The following UNC119 variants were observed in gnomAD, a reference collection of about 807,000 sequenced individuals.
UNC119 encodes protein unc-119 homolog A.
A neutral mutation model predicts 22.6 loss-of-function variants in UNC119; 15 were observed. The observed-to-expected ratio is 0.66, with a 90% CI of 0.44 to 1.02. UNC119 has a LOEUF of 1.02. Ranked by LOEUF, UNC119 falls within the 50% of genes least tolerant of loss-of-function variation. The pLI, the probability that UNC119 is intolerant of heterozygous loss-of-function variation, is 0.00. For missense variants in UNC119, 322 were observed against 336.0 expected (o/e 0.96, Z 0.33); for synonymous variants, 138 against 139.4 (o/e 0.99, Z 0.07).
At chr17:28,547,636 C>G (rs771181994) in intron 4 of UNC119, 41 bp downstream of exon 4, 2 of 1,613,942 alleles carry the variant, frequency 1.2e-6, no homozygotes, top group Non-Finnish European at 1.7e-6. Context: ...AGTCTCTAGA[C>G]GCCCCCACTT....
Position 28,546,829 on chromosome 17 carries a change from A to C in UNC119, c.*468T>G. Reference sequence around the variant, plus strand: ...GTGTCTTGGCCCCTCATGGGGAGGGATGGGGCTAGGCCTAGGGCCCAGACT... The same window carrying C: ...GTGTCTTGGCCCCTCATGGGGAGGGCTGGGGCTAGGCCTAGGGCCCAGACT... On this transcript the variant is annotated 3_prime_UTR_variant, in exon 5 of 5. Coordinates refer to ENST00000335765, the MANE Select transcript of UNC119 (RefSeq NM_005148.4). 3.9e-6 allele frequency: 1 copy of C among 257,094 alleles called. No homozygotes were observed. Among genetic ancestry groups the C allele is most frequent in the East Asian group, 9.1e-5 (1 of 10,978 alleles). 15.9% of individuals were successfully genotyped at this position (257,094 alleles called of 1,614,324 possible).
Position 28,552,498 on chromosome 17 carries a change from G to C in UNC119, c.60C>G (p.Pro20=), listed in dbSNP as rs767232431. The change falls in exon 1 of 5, where the codon CCC becomes CCG. Residue 20 remains proline (P), a synonymous_variant. Transcript: ENST00000335765. ...AGTATESAPG[P]SGQSVAPIPQ... ...GTATGGGGGCCACGCTCTGGCCCGA[G>C]GGCCCCGGAGCGGACTCCGTCGCCG... The C allele has an allele frequency of 1.9e-6, 3 of 1,568,326 alleles. No individual in the cohort carries two copies. The Admixed American group carries it at 5.2e-5, about 27-fold the overall frequency.
At chr17:28,548,498 T>G in intron 2 of UNC119, 94 bp downstream of exon 2, 2 of 1,069,872 alleles carry the variant, frequency 1.9e-6, no homozygotes, top group Admixed American at 1.8e-5. Flanking sequence ...AAGCCCCAGC[T>G]CTGTGGACTC....
chr17:28,547,290 C>T lies in UNC119; in HGVS notation c.*7G>A, dbSNP rs370209476. On this transcript the variant is annotated 3_prime_UTR_variant, in exon 5 of 5. Coordinates refer to ENST00000335765, the MANE Select transcript of UNC119 (RefSeq NM_005148.4). Reference sequence around the variant, plus strand: ...TGGAGCCTCCTGGGGTCAGGGCAGCCGTGGGGTCAGGGTGTCCCGCTGTAG... The same window carrying T: ...TGGAGCCTCCTGGGGTCAGGGCAGCTGTGGGGTCAGGGTGTCCCGCTGTAG... The T allele has an allele frequency of 1.4e-5, 23 of 1,613,852 alleles. No homozygotes were observed. The highest frequency in any genetic ancestry group is 6.7e-5 in the African/African-American group (5 of 74,898).
At position 28,548,719 on chromosome 17, in the gene UNC119, G is replaced by A. The variant is rs770928888; in HGVS notation, c.221-14C>T. 2.5e-6 allele frequency: 4 copies of A among 1,609,030 alleles called. No individual in the cohort carries two copies. The highest frequency in any genetic ancestry group is 3.4e-6 in the Non-Finnish European group (4 of 1,175,874). On this transcript the variant is annotated splice_polypyrimidine_tract_variant and intron_variant, in intron 1 of 4. Transcript: ENST00000335765. ...AGCAGAGGTAGTCTAGGGGAAACAGGCAGCTGAGCAAGGAAGGGGCCGCAA... is the reference window on the plus strand; with the variant it reads ...AGCAGAGGTAGTCTAGGGGAAACAGACAGCTGAGCAAGGAAGGGGCCGCAA...
At chr17:28,548,981 T>C (rs984256097) in intron 1 of UNC119, 1 of 373,690 alleles carries the variant, frequency 2.7e-6, no homozygotes, top group Non-Finnish European at 5.1e-6. Flanking sequence ...CAAGGCCACC[T>C]CCTGAACACT....
At position 28,547,013 on chromosome 17, in the gene UNC119, A is replaced by C; in HGVS notation, c.*284T>G. The C allele has an allele frequency of 5.4e-5, 22 of 406,790 alleles. No homozygotes were observed. Among genetic ancestry groups the C allele is most frequent in the East Asian group, 1.1e-4 (2 of 18,110 alleles). 25.2% of individuals were successfully genotyped at this position (406,790 alleles called of 1,614,324 possible). A position where few individuals can be genotyped will look rare whatever the true frequency, so the allele number is the denominator to read the frequency against. On this transcript the variant is annotated 3_prime_UTR_variant, in exon 5 of 5. Coordinates refer to ENST00000335765, the MANE Select transcript of UNC119 (RefSeq NM_005148.4). Reference sequence around the variant, plus strand: ...ACTATTCTGAAACTTGGGCCCAAGTAGGGCCCAGCTAAGTTGTCCGGAAGT... The same window carrying C: ...ACTATTCTGAAACTTGGGCCCAAGTCGGGCCCAGCTAAGTTGTCCGGAAGT...
intron 4 of UNC119, 55 bp downstream of exon 4, chr17:28,547,622 G>A (rs1477729589): frequency 6.2e-7 from 1 of 1,613,910 alleles, no homozygotes. Context: ...CCCTCCCGCA[G>A]CTCAGTCTCT....
At chr17:28,552,627 G>A, upstream of UNC119, 1 of 1,381,598 alleles carries the variant, frequency 7.2e-7, no homozygotes, top group Non-Finnish European at 9.5e-7. Context: ...GGGGGAAGTG[G>A]GAGCATCCGC....
chr17:28,549,500 A>G (rs908408700), intron 1 of UNC119: 9 of 152,346 alleles, frequency 5.9e-5, no homozygotes, highest in African/African-American at 2.2e-4. Flanking sequence ...GGAGGAGGCC[A>G]ACTTTGCTCT....
chr17:28,552,598 G>T lies in UNC119; in HGVS notation c.-41C>A. 2 of 1,471,898 alleles carry T rather than the reference G, an allele frequency of 1.4e-6. No homozygotes were observed. Among genetic ancestry groups the T allele is most frequent in the Non-Finnish European group, 1.8e-6 (2 of 1,116,668 alleles). 91.2% of individuals were successfully genotyped at this position (1,471,898 alleles called of 1,614,324 possible). ...AGGCTCGCCTGCTGCTGCCGCCGCT[G>T]CCTGCGCCGGCTGGAGCCGGGGGAA... On this transcript the variant is annotated 5_prime_UTR_variant, in exon 1 of 5. Transcript: ENST00000335765.
At chr17:28,550,338 C>T (rs765419134) in intron 1 of UNC119, 1 of 152,298 alleles carries the variant, frequency 6.6e-6, no homozygotes, top group African/African-American at 2.4e-5. Context: ...CTCCCATTCT[C>T]CAACTTTTGG....
intron 1 of UNC119, chr17:28,551,547 A>T (rs1210529016): frequency 6.6e-6 from 1 of 152,604 alleles, no homozygotes; most frequent in African/African-American, 2.4e-5. Flanking sequence ...CAATAATCTT[A>T]CGAGAAAGGT....
chr17:28,550,706 C>T (rs1203238863), intron 1 of UNC119: 1 of 152,204 alleles, frequency 6.6e-6, no homozygotes, highest in Non-Finnish European at 1.5e-5. Context: ...ATCCCTGGAA[C>T]TCTGTTCTCA....
intron 2 of UNC119, 190 bp from the exon 3 acceptor site, chr17:28,548,291 C>T: frequency 1.6e-6 from 1 of 638,642 alleles, no homozygotes; most frequent in Non-Finnish European, 2.7e-6. Context: ...TTCCCAATCG[C>T]CACTGTGCTT....
Position 28,547,703 on chromosome 17 carries a change from T to A in UNC119, c.584A>T (p.Asp195Val). ...CAGCTCCTCGGAGAGAGGGGGGAAG[T>A]CGTAAATGTGCTCGCAGGTGTTCTT... Reference protein sequence around the residue: ...SSKNTCEHIYDFPPLSEELIS... With the variant: ...SSKNTCEHIYVFPPLSEELIS... Residue 195 changes from aspartate (D) to valine (V), a missense_variant, in exon 4 of 5, where the codon GAC becomes GTC. By Grantham distance (152) the Asp-to-Val change is radical. Coordinates refer to ENST00000335765, the MANE Select transcript of UNC119 (RefSeq NM_005148.4). The A allele has an allele frequency of 2.5e-6, 4 of 1,613,886 alleles. No individual in the cohort carries two copies. Among genetic ancestry groups the A allele is most frequent in the Non-Finnish European group, 2.5e-6 (3 of 1,179,978 alleles).
In UNC119 at chr17:28,552,605, C is replaced by G. The variant is rs2070290035; in HGVS notation, c.-48G>C. 6.9e-7 allele frequency: 1 copy of G among 1,452,212 alleles called. No homozygotes were observed. The highest frequency in any genetic ancestry group is 2.9e-5 in the East Asian group (1 of 34,558). The allele number at this position is 1,452,212 out of a possible 1,614,324, so 90.0% of individuals were successfully genotyped here. On this transcript the variant is annotated 5_prime_UTR_variant, in exon 1 of 5. Transcript: ENST00000335765. ...CCTGCTGCTGCCGCCGCTGCCTGCGCCGGCTGGAGCCGGGGGAAGTGGGAG... is the reference window on the plus strand; with the variant it reads ...CCTGCTGCTGCCGCCGCTGCCTGCGGCGGCTGGAGCCGGGGGAAGTGGGAG...
At chr17:28,552,204 G>C (rs1274081983) in intron 1 of UNC119, 134 bp downstream of exon 1, 6 of 789,362 alleles carry the variant, frequency 7.6e-6, no homozygotes, top group Non-Finnish European at 1.2e-5. Flanking sequence ...GAGAGCAGGG[G>C]ACACAGGAGA....
rs778398457 is a variant in UNC119 at position 28,548,098 on chromosome 17, C to T, written c.338G>A (p.Arg113Gln). Residue 113 changes from arginine to glutamine, a missense_variant, in exon 3 of 5, where the codon CGG (arginine) becomes CAG (glutamine). Physicochemically the swap from Arg to Gln is conservative, Grantham distance 43 (BLOSUM62 1). Coordinates refer to ENST00000335765, the MANE Select transcript of UNC119 (RefSeq NM_005148.4). ...FEIKKPPVSE[R>Q]LPINRRDLDP... ...CAGGTCCCGCCGGTTGATGGGCAAC[C>T]GTTCTGCAATGTACCCCAGCTGGGG... is the stretch of plus-strand genomic sequence containing the variant. 35 of 1,612,738 alleles carry T rather than the reference C, an allele frequency of 2.2e-5. No homozygotes were observed. Among genetic ancestry groups the T allele is most frequent in the African/African-American group, 2.7e-5 (2 of 74,894 alleles).
Sources: allele counts gnomAD v4.1 joint callset, GRCh38; gene constraint gnomAD v4.1.1; transcripts MANE v1.5; gene names NCBI Gene and HGNC (gene_info 2026-07-23, HGNC 2026-07-21).